BCR: variants seen among roughly 807,000 people sequenced by gnomAD.
BCR encodes the protein breakpoint cluster region protein.
BCR carries 58 observed loss-of-function variants against 138.6 expected under a neutral mutation model. That is an observed-to-expected ratio of 0.42 (90% CI 0.34 to 0.52). The LOEUF (loss-of-function observed/expected upper bound fraction) is 0.52, where lower values mean the gene tolerates loss of function less well. Ranked by LOEUF, BCR falls within the 20% of genes least tolerant of loss-of-function variation. The probability of loss-of-function intolerance (pLI) is 0.06; values close to 1 mark genes in which losing one functional copy is unlikely to be tolerated. For missense variants in BCR, 1,599 were observed against 1,727.2 expected, an observed-to-expected ratio of 0.93 and a Z score of 1.32; for synonymous variants, 786 against 730.1, an observed-to-expected ratio of 1.08 and a Z score of -1.23.
In BCR at chr22:23,314,485, C is replaced by T; in HGVS notation, c.3564-67C>T. The T allele has an allele frequency of 1.9e-6, 3 of 1,571,952 alleles. No individual in the cohort carries two copies. In the South Asian group the frequency reaches 3.4e-5, roughly 18 times the overall value. ...TCCCTTCCTGAGAACTCCAGCACAG[C>T]CCAGCCCCTCTGCCTCTCTCCTGGG... On this transcript the variant is annotated intron_variant, in intron 21 of 22. Transcript: ENST00000305877.
At position 23,315,655 on chromosome 22, in the gene BCR, A is replaced by G. The variant is rs1328576999; in HGVS notation, c.*133A>G. On this transcript the variant is annotated 3_prime_UTR_variant, in exon 23 of 23. Transcript: ENST00000305877. ...AGTGTTGGGCCATCTGCCAAGAGAC[A>G]GCGACCCAAAGCCGAAGGACAGGTG... The G allele has an allele frequency of 9.5e-6, 8 of 841,812 alleles. No individual in the cohort carries two copies. The highest frequency in any genetic ancestry group is 1.6e-5 in the Non-Finnish European group (8 of 506,344). The allele number at this position is 841,812 out of a possible 1,614,324, so 52.1% of individuals were successfully genotyped here.
intron 1 of BCR, among the ~76,000 whole-genome samples, chr22:23,246,555 A>G (rs900307698): frequency 4.6e-5 from 7 of 152,178 alleles, no homozygotes; most frequent in Non-Finnish European, 1.0e-4. Flanking sequence ...CATCTTAGAA[A>G]TGCCTTCTCT....
intron 1 of BCR, among the ~76,000 whole-genome samples, chr22:23,204,132 G>T (rs554763442): frequency 6.6e-6 from 1 of 152,166 alleles, no homozygotes; most frequent in Non-Finnish European, 1.5e-5. Flanking sequence ...CTGACTAGTC[G>T]TCCTGCACCG....
chr22:23,214,071 G>A (rs1465077071), intron 1 of BCR, among the ~76,000 whole-genome samples: 1 of 152,208 alleles, frequency 6.6e-6, no homozygotes, highest in Non-Finnish European at 1.5e-5. Flanking sequence ...AAAGCACCTA[G>A]CGTGGCTGCT....
chr22:23,185,054 G>C (rs1249196019), intron 1 of BCR, among the ~76,000 whole-genome samples: 1 of 152,074 alleles, frequency 6.6e-6, no homozygotes, highest in Non-Finnish European at 1.5e-5. Context: ...TCAAGGGAGG[G>C]GGCTGAAGCC....
At chr22:23,200,492 T>A (rs964138303) in intron 1 of BCR, among the ~76,000 whole-genome samples, 2 of 151,784 alleles carry the variant, frequency 1.3e-5, no homozygotes, top group African/African-American at 4.8e-5. Context: ...AATTTTTAAA[T>A]TTTTTGTAGA....
chr22:23,314,003 C>G lies in BCR; in HGVS notation c.3493C>G (p.Leu1165Val), dbSNP rs763780704. 9 of 1,614,076 alleles carry G rather than the reference C, an allele frequency of 5.6e-6. No homozygotes were observed. Among genetic ancestry groups the G allele is most frequent in the Non-Finnish European group, 7.6e-6 (9 of 1,180,024 alleles). ...CCCGGTTGCAAAGGAGAGCTGCATG[C>G]TCAACCTGCTGCTGTCCCTGCCGGA... Reference protein sequence around the residue: ...SDPVAKESCMLNLLLSLPEAN... With the variant: ...SDPVAKESCMVNLLLSLPEAN... The change falls in exon 21 of 23, where the codon CTC becomes GTC. Residue 1165 changes from leucine (L) to valine (V), a missense_variant. Leu to Val is a conservative substitution (Grantham distance 32). Transcript: ENST00000305877.
At chr22:23,280,543 G>T (rs1405340267) in intron 8 of BCR, among the ~76,000 whole-genome samples, 1 of 152,220 alleles carries the variant, frequency 6.6e-6, no homozygotes, top group South Asian at 2.1e-4. Context: ...GCAGGTCGCA[G>T]TTTCATTTAA....
intron 1 of BCR, among the ~76,000 whole-genome samples, chr22:23,247,960 C>G (rs2073174177): frequency 6.6e-6 from 1 of 152,222 alleles, no homozygotes. Context: ...CTCCCTTCTT[C>G]TGTCAGTGGA....
intron 1 of BCR, among the ~76,000 whole-genome samples, chr22:23,198,608 A>G (rs2072510226): frequency 1.3e-5 from 2 of 152,094 alleles, no homozygotes; most frequent in Non-Finnish European, 2.9e-5. Flanking sequence ...GCTGGTGGCC[A>G]TGGATAAGTG....
intron 1 of BCR, among the ~76,000 whole-genome samples, chr22:23,213,782 A>C (rs118056345): frequency 2.0e-5 from 3 of 151,630 alleles, no homozygotes; most frequent in African/African-American, 7.3e-5. Flanking sequence ...ATAGTGAGCT[A>C]TGATTGCACC....
chr22:23,233,560 A>T (rs1299398162), intron 1 of BCR, among the ~76,000 whole-genome samples: 1 of 152,104 alleles, frequency 6.6e-6, no homozygotes, highest in South Asian at 2.1e-4. Flanking sequence ...GGCTGAGGCA[A>T]ATGAATCATT....
chr22:23,267,909 G>T (rs1220573164), intron 4 of BCR, among the ~76,000 whole-genome samples: 1 of 152,238 alleles, frequency 6.6e-6, no homozygotes, highest in Non-Finnish European at 1.5e-5. Context: ...TTGTGTCTGT[G>T]CAGTGGGAGG....
chr22:23,189,332 A>G (rs547641626), intron 1 of BCR, among the ~76,000 whole-genome samples: 1 of 151,930 alleles, frequency 6.6e-6, no homozygotes, highest in Non-Finnish European at 1.5e-5. Flanking sequence ...ATTCCCCCTC[A>G]TCCCCAGCTC....
In BCR at chr22:23,261,267, GGTAACCATGACT is replaced by G. The variant is rs1387291681; in HGVS notation, c.1567-85_1567-74del. 12 of 1,414,754 alleles carry G rather than the reference GGTAACCATGACT, an allele frequency of 8.5e-6. No homozygotes were observed. In the Admixed American group the frequency reaches 2.4e-4, roughly 29 times the overall value. 87.6% of individuals were successfully genotyped at this position (1,414,754 alleles called of 1,614,324 possible). On this transcript the variant is annotated intron_variant, in intron 3 of 22. Coordinates refer to ENST00000305877, the MANE Select transcript of BCR (RefSeq NM_004327.4). ...TTTAAAAATAAAAGTGCATATGTCA[GGTAACCATGACT>G]GTCTACTGCCATACAATGCACCTGA... is the stretch of plus-strand genomic sequence containing the variant.
chr22:23,194,888 CTA>C (rs1345164405), intron 1 of BCR, among the ~76,000 whole-genome samples: 1 of 152,116 alleles, frequency 6.6e-6, no homozygotes, highest in East Asian at 1.9e-4. Context: ...CTGGAGCAAA[CTA>C]TGATTGCACC....
At position 23,290,423 on chromosome 22, in the gene BCR, G is replaced by A; in HGVS notation, c.2782+10G>A. On this transcript the variant is annotated intron_variant, in intron 14 of 22. Transcript: ENST00000305877. ...TTTAAGCAGAGTTCAAGTAAGTACT[G>A]GTTTGGGGAGGAGGGTTGCAGCGGC... is the stretch of plus-strand genomic sequence containing the variant. 1 of 1,613,246 alleles carries A rather than the reference G, an allele frequency of 6.2e-7. No individual in the cohort carries two copies. The highest frequency in any genetic ancestry group is 8.5e-7 in the Non-Finnish European group (1 of 1,179,178).
chr22:23,193,751 C>T (rs540693044), intron 1 of BCR, among the ~76,000 whole-genome samples: 1 of 152,342 alleles, frequency 6.6e-6, no homozygotes, highest in South Asian at 2.1e-4. Context: ...TTTGTGTAGC[C>T]TGCTGCATTT....
chr22:23,311,687 C>T lies in BCR; in HGVS notation c.3183-10C>T, dbSNP rs750530045. Reference sequence around the variant, plus strand: ...TGTTAGGACACTGAGAACATTCCCTCCTCCCGCAGGAGAGAGAGGTCCAAG... The same window carrying T: ...TGTTAGGACACTGAGAACATTCCCTTCTCCCGCAGGAGAGAGAGGTCCAAG... On this transcript the variant is annotated splice_polypyrimidine_tract_variant and intron_variant, in intron 18 of 22. Transcript: ENST00000305877. 1.9e-6 allele frequency: 3 copies of T among 1,589,132 alleles called. No homozygotes were observed. Among genetic ancestry groups the T allele is most frequent in the Non-Finnish European group, 2.6e-6 (3 of 1,162,040 alleles).
Sources: allele counts gnomAD v4.1 joint callset (sites outside exome capture counted in the v4.1 genomes callset), GRCh38; gene constraint gnomAD v4.1.1; transcripts MANE v1.5; gene names NCBI Gene and HGNC (gene_info 2026-07-23, HGNC 2026-07-21).